TP53I11: variants seen among roughly 807,000 people sequenced by gnomAD.
The protein encoded by TP53I11 is tumor protein p53-inducible protein 11.
Under a neutral mutation model 23.3 loss-of-function variants are expected in TP53I11, and 9 were observed. The ratio of observed to expected loss-of-function variants is 0.39; its 90% CI spans 0.23 to 0.67. The LOEUF is 0.67. TP53I11 is among the 30% of genes least tolerant of loss of function. TP53I11 has a pLI of 0.48. For synonymous variants in TP53I11, 100 were observed against 106.1 expected (o/e 0.94, Z 0.35); for missense variants, 170 against 255.2 (o/e 0.67, Z 2.27).
At chr11:44,942,002 C>T (rs1040138915) in intron 1 of TP53I11, among the ~76,000 whole-genome samples, 26 of 3,662 alleles carry the variant, frequency 7.1e-3, no homozygotes, top group Middle Eastern at 0.091. Context: ...CACATATACA[C>T]ACCATACTCA....
intron 1 of TP53I11, among the ~76,000 whole-genome samples, 181 bp downstream of exon 1, chr11:44,950,496 C>T (rs1862844737): frequency 6.6e-6 from 1 of 151,984 alleles, no homozygotes; most frequent in Non-Finnish European, 1.5e-5. Context: ...CCCCTGGGGT[C>T]CCAGCGGGCT....
At chr11:44,935,346 G>GC (rs1860974665) in intron 6 of TP53I11, among the ~76,000 whole-genome samples, 1 of 152,192 alleles carries the variant, frequency 6.6e-6, no homozygotes, top group Non-Finnish European at 1.5e-5. Context: ...CAAGTGTGTG[G>GC]ATTTGGGAAG....
rs778397610 is a variant in TP53I11, at chr11:44,936,122, G to A, written c.335-460C>T. On this transcript the variant is annotated intron_variant, in intron 5 of 6. Coordinates refer to ENST00000525680, the MANE Select transcript of TP53I11 (RefSeq NM_006034.5). The surrounding 1 kb of genome is among the most constrained non-coding windows in gnomAD (Gnocchi z 4.4). The stretch of plus-strand genomic sequence containing the variant: ...GACTCGCTTTAAGGAAGTCCCCTGG[G>A]GGAGGGGGATGAACCATACTTTTTA... 7.5e-5 allele frequency: 55 copies of A among 730,102 alleles called. No individual in the cohort carries two copies. Among genetic ancestry groups the A allele is most frequent in the Non-Finnish European group, 9.0e-5 (53 of 588,974 alleles). 45.2% of individuals were successfully genotyped at this position (730,102 alleles called of 1,614,324 possible). A position where few individuals can be genotyped will look rare whatever the true frequency, so the allele number is the denominator to read the frequency against.
chr11:44,944,998 A>G (rs541021789), intron 1 of TP53I11, among the ~76,000 whole-genome samples: 5 of 152,342 alleles, frequency 3.3e-5, no homozygotes, highest in African/African-American at 9.6e-5. Context: ...CATGAAGACT[A>G]TGCCCGTGAG....
chr11:44,941,640 C>G (rs1348234891), intron 1 of TP53I11, among the ~76,000 whole-genome samples: 4 of 152,140 alleles, frequency 2.6e-5, no homozygotes. Context: ...GCCTGGCCCA[C>G]AGCAAGTCCC....
chr11:44,948,820 A>T (rs1045179286), intron 1 of TP53I11, among the ~76,000 whole-genome samples: 79 of 152,210 alleles, frequency 5.2e-4, no homozygotes, highest in African/African-American at 1.8e-3. Context: ...CAAGAGGGGC[A>T]GGCCCTTCTT....
chr11:44,944,031 C>A (rs1223424980), intron 1 of TP53I11, among the ~76,000 whole-genome samples: 1 of 152,214 alleles, frequency 6.6e-6, no homozygotes, highest in Non-Finnish European at 1.5e-5. Flanking sequence ...AAAGTGGCCA[C>A]TCTCTGTTGG....
intron 1 of TP53I11, among the ~76,000 whole-genome samples, chr11:44,946,402 G>A (rs902904026): frequency 4.6e-5 from 7 of 152,188 alleles, no homozygotes; most frequent in African/African-American, 1.7e-4. Context: ...CAGATCCTGA[G>A]CCAGTGGAGG....
chr11:44,944,443 C>T (rs1323047274), intron 1 of TP53I11, among the ~76,000 whole-genome samples: 1 of 152,198 alleles, frequency 6.6e-6, no homozygotes, highest in Non-Finnish European at 1.5e-5. Flanking sequence ...TCCCACCTCC[C>T]CATCTGCTGT....
upstream of TP53I11, chr11:44,951,027 T>TC (rs1862916566): frequency 6.6e-6 from 1 of 151,388 alleles, no homozygotes; most frequent in South Asian, 2.1e-4. Flanking sequence ...GGCTCCCGGC[T>TC]CCCCCGCGAG....
rs1028517938 is a variant in TP53I11, at chr11:44,933,665, G to C, written c.*1219C>G. 2 of 153,378 alleles carry C rather than the reference G, an allele frequency of 1.3e-5. No individual in the cohort carries two copies. The highest frequency in any genetic ancestry group is 6.5e-5 in the Admixed American group (1 of 15,282). The allele number at this position is 153,378 out of a possible 1,614,324, so 9.5% of individuals were successfully genotyped here. A position where few individuals can be genotyped will look rare whatever the true frequency, so the allele number is the denominator to read the frequency against. On this transcript the variant is annotated 3_prime_UTR_variant, in exon 7 of 7. Transcript: ENST00000525680. ...CTCAGAGGCAGGGCAGGGGCTGTTC[G>C]GCCCCAAGACAGCCAGTTGTCAGCC...
intron 1 of TP53I11, among the ~76,000 whole-genome samples, chr11:44,941,695 C>A (rs977652803): frequency 2.6e-5 from 4 of 152,134 alleles, no homozygotes; most frequent in Non-Finnish European, 4.4e-5. Flanking sequence ...GCCACCCTCC[C>A]CAGGCCTCCC....
chr11:44,942,980 G>A (rs1040491401), intron 1 of TP53I11, among the ~76,000 whole-genome samples: 4 of 152,198 alleles, frequency 2.6e-5, no homozygotes, highest in Non-Finnish European at 4.4e-5. Context: ...GCCTAAGTGA[G>A]GACAGAAGAC....
In TP53I11 at chr11:44,936,548, A is replaced by C; in HGVS notation, c.334+255T>G. On this transcript the variant is annotated intron_variant, in intron 5 of 6. Coordinates refer to ENST00000525680, the MANE Select transcript of TP53I11 (RefSeq NM_006034.5). This position sits in a 1 kb window ranked among gnomAD's most constrained non-coding sequence, Gnocchi z 4.4. ...TCTCTGTACCACAACGCCCAGAGGC[A>C]GTGCACACACTTATGAGCGCTCCTT... 7.9e-7 allele frequency: 1 copy of C among 1,266,430 alleles called. No homozygotes were observed. Among genetic ancestry groups the C allele is most frequent in the Non-Finnish European group, 9.9e-7 (1 of 1,006,400 alleles). 78.4% of individuals were successfully genotyped at this position (1,266,430 alleles called of 1,614,324 possible). A position where few individuals can be genotyped will look rare whatever the true frequency, so the allele number is the denominator to read the frequency against.
At chr11:44,942,427 CAT>C (rs1554949561) in intron 1 of TP53I11, among the ~76,000 whole-genome samples, 1 of 32,648 alleles carries the variant, frequency 3.1e-5, no homozygotes, top group Non-Finnish European at 5.7e-5. Flanking sequence ...ACACACACAC[CAT>C]ACACACACAC....
rs146637638 is a variant in TP53I11, at chr11:44,949,049, G to A, written c.-32+1628C>T. ...GACGACATGTGACTGGGAAAGAAGCGGCCATGGCAGGGGCCTCCTGGGATG... is the reference window on the plus strand; with the variant it reads ...GACGACATGTGACTGGGAAAGAAGCAGCCATGGCAGGGGCCTCCTGGGATG... On this transcript the variant is annotated intron_variant, in intron 1 of 6. Transcript: ENST00000525680. Among the ~76,000 whole-genome samples, 1,212 of 152,356 alleles carry A rather than the reference G, an allele frequency of 8.0e-3. 13 individuals carry two copies. The highest frequency in any genetic ancestry group is 0.02 in the Middle Eastern group (6 of 294).
intron 6 of TP53I11, 127 bp from the exon 7 acceptor site, chr11:44,935,144 G>A: frequency 2.8e-6 from 4 of 1,412,946 alleles, no homozygotes; most frequent in Admixed American, 1.9e-5. Flanking sequence ...ATCCTCCCAG[G>A]TGGGAAGCAC....
rs947406976 is a variant in TP53I11 at position 44,949,656 on chromosome 11, G to A, written c.-32+1021C>T. On this transcript the variant is annotated intron_variant, in intron 1 of 6. Transcript: ENST00000525680. ...CGCCCCGCCCCGCCCAGCGGGGCGC[G>A]CCGGGGTGGGCGCGGCGTTCTGGCC... Among the ~76,000 whole-genome samples the A allele has an allele frequency of 5.3e-5, 8 of 152,230 alleles. No individual in the cohort carries two copies. The East Asian group carries it at 1.6e-3, about 30-fold the overall frequency.
Position 44,935,838 on chromosome 11 carries a change from T to G in TP53I11, c.335-176A>C, listed in dbSNP as rs185593538. On this transcript the variant is annotated intron_variant, in intron 5 of 6. Transcript: ENST00000525680. ...TCAAAGCTGTCTGTCCCCGATCCTG[T>G]CCCCTCCAGACTCAATGCTGCTGCT... 1.2e-3 allele frequency: 728 copies of G among 612,732 alleles called. 4 individuals are homozygous for G. The African/African-American group carries it at 0.012, about 10-fold the overall frequency. 38.0% of individuals were successfully genotyped at this position (612,732 alleles called of 1,614,324 possible). A position where few individuals can be genotyped will look rare whatever the true frequency, so the allele number is the denominator to read the frequency against.
Sources: gnomAD v4.1 joint callset for allele counts (sites outside exome capture counted in the v4.1 genomes callset) on GRCh38, gnomAD v4.1.1 for gene constraint, Gnocchi (gnomAD v3.1) non-coding constraint, MANE v1.5 for transcripts, NCBI Gene and HGNC (gene_info 2026-07-23, HGNC 2026-07-21) for gene names.